The following GRIK2 variants were observed in gnomAD, a reference collection of about 807,000 sequenced individuals.
The protein encoded by GRIK2 is glutamate ionotropic receptor kainate type subunit 2.
In GRIK2, 32 loss-of-function variants were observed where a neutral mutation model predicts 100.3. That is an observed-to-expected ratio of 0.32 (90% CI 0.24 to 0.43). The LOEUF (loss-of-function observed/expected upper bound fraction) is 0.43, where lower values mean the gene tolerates loss of function less well. GRIK2 is among the 20% of genes least tolerant of loss of function. GRIK2 has a pLI of 1.00. For missense variants in GRIK2, 843 were observed against 1,114.9 expected, an observed-to-expected ratio of 0.76 and a Z score of 3.47; for synonymous variants, 417 against 389.4, an observed-to-expected ratio of 1.07 and a Z score of -0.83.
chr6:101,953,186 A>G (rs1336105109), intron 14 of GRIK2, among the ~76,000 whole-genome samples: 2 of 152,152 alleles, frequency 1.3e-5, no homozygotes, highest in Non-Finnish European at 2.9e-5. Context: ...GGACATTTGA[A>G]TTGCTTCCAC....
rs116286192 is a variant in GRIK2, at chr6:101,646,904, G to A, written c.541+20267G>A. Reference sequence around the variant, plus strand: ...CTATGAGCACAGAGAAGAGAGACAAGAAAGAGATATAAAACATGAGAGGTA... The same window carrying A: ...CTATGAGCACAGAGAAGAGAGACAAAAAAGAGATATAAAACATGAGAGGTA... On this transcript the variant is annotated intron_variant, in intron 4 of 16. Coordinates refer to ENST00000369134, the MANE Select transcript of GRIK2 (RefSeq NM_021956.5). Among the ~76,000 whole-genome samples the A allele has an allele frequency of 1.8e-3, 276 of 152,006 alleles. 3 individuals carry two copies. The highest frequency in any genetic ancestry group is 6.2e-3 in the African/African-American group (258 of 41,514).
intron 8 of GRIK2, among the ~76,000 whole-genome samples, chr6:101,801,078 C>G (rs1438703686): frequency 6.6e-6 from 1 of 151,920 alleles, no homozygotes; most frequent in Non-Finnish European, 1.5e-5. Flanking sequence ...ATATTTTCTT[C>G]TTTGTTTTGG....
intron 12 of GRIK2, among the ~76,000 whole-genome samples, chr6:101,898,167 C>A (rs186745344): frequency 2.6e-5 from 4 of 151,718 alleles, no homozygotes; most frequent in Admixed American, 2.0e-4. Flanking sequence ...AGCCCCTCAC[C>A]CTCACCACAA....
chr6:101,399,360 A>G lies in GRIK2; in HGVS notation c.83A>G (p.Tyr28Cys). Reference protein sequence around the residue: ...KLLLCLLWIGYSQGTTHVLRF... With the variant: ...KLLLCLLWIGCSQGTTHVLRF... The stretch of plus-strand genomic sequence containing the variant: ...CTGCTCTGTTTACTGTGGATTGGAT[A>G]TTCTCAAGGAACCACACATGTATTA... The change falls in exon 2 of 17, where the codon TAT becomes TGT. Residue 28 changes from tyrosine to cysteine, a missense_variant. Transcript: ENST00000369134. The G allele has an allele frequency of 6.4e-7, 1 of 1,571,950 alleles. No homozygotes were observed. The highest frequency in any genetic ancestry group is 8.8e-7 in the Non-Finnish European group (1 of 1,141,636).
intron 2 of GRIK2, among the ~76,000 whole-genome samples, chr6:101,548,904 C>T (rs547393452): frequency 5.3e-5 from 8 of 152,182 alleles, no homozygotes; most frequent in Middle Eastern, 6.8e-3. Flanking sequence ...TCTGTATGGC[C>T]TCAGAGAACA....
At chr6:101,797,323 T>C (rs1311453414) in intron 7 of GRIK2, among the ~76,000 whole-genome samples, 2 of 152,014 alleles carry the variant, frequency 1.3e-5, no homozygotes, top group Non-Finnish European at 2.9e-5. Flanking sequence ...TTTCTTGTTT[T>C]TGTTGTTTAT....
intron 10 of GRIK2, among the ~76,000 whole-genome samples, chr6:101,827,390 A>T (rs1170501037): frequency 6.6e-6 from 1 of 151,956 alleles, no homozygotes; most frequent in Non-Finnish European, 1.5e-5. Flanking sequence ...ATGGTTTATT[A>T]AAAAACTTAT....
Position 101,849,702 on chromosome 6 carries a change from T to C in GRIK2, c.1318-9585T>C, listed in dbSNP as rs908313087. ...AAATTATTTTCAGGAAAATATGAACTGCTCAGTTTTGTTTCAATTGCCGTA... is the reference window on the plus strand; with the variant it reads ...AAATTATTTTCAGGAAAATATGAACCGCTCAGTTTTGTTTCAATTGCCGTA... On this transcript the variant is annotated intron_variant, in intron 10 of 16. Transcript: ENST00000369134. 4.6e-5 allele frequency among the ~76,000 whole-genome samples: 7 copies of C among 151,988 alleles called. No individual in the cohort carries two copies. The South Asian group carries it at 1.5e-3, about 32-fold the overall frequency.
chr6:101,487,127 G>A (rs1002281985), intron 2 of GRIK2, among the ~76,000 whole-genome samples: 5 of 146,444 alleles, frequency 3.4e-5, no homozygotes, highest in South Asian at 2.2e-4. Flanking sequence ...ATATTCTGAC[G>A]GGGTGATATT....
chr6:101,632,292 G>T (rs1780786023), intron 4 of GRIK2, among the ~76,000 whole-genome samples: 1 of 152,068 alleles, frequency 6.6e-6, no homozygotes, highest in Non-Finnish European at 1.5e-5. Context: ...CTTTTCTTGG[G>T]TGGATCTTCT....
chr6:101,503,278 T>C (rs1773859211), intron 2 of GRIK2, among the ~76,000 whole-genome samples: 1 of 152,110 alleles, frequency 6.6e-6, no homozygotes, highest in African/African-American at 2.4e-5. Context: ...GAGGAAAAGG[T>C]ATAAATAAAT....
chr6:101,599,410 G>A (rs1779088637), intron 2 of GRIK2, among the ~76,000 whole-genome samples: 1 of 151,528 alleles, frequency 6.6e-6, no homozygotes, highest in Admixed American at 6.6e-5. Context: ...GTAGAACTAT[G>A]TCTTTTCTTT....
chr6:101,661,131 C>T (rs1398394351), intron 4 of GRIK2, among the ~76,000 whole-genome samples: 2 of 152,158 alleles, frequency 1.3e-5, no homozygotes, highest in African/African-American at 4.8e-5. Flanking sequence ...TATCTATAAG[C>T]CCTGACTGGG....
chr6:101,477,353 A>G (rs2128259178), intron 2 of GRIK2, among the ~76,000 whole-genome samples: 1 of 152,242 alleles, frequency 6.6e-6, no homozygotes, highest in Non-Finnish European at 1.5e-5. Context: ...AGGGATATTG[A>G]CAGGTCAATG....
At chr6:101,598,315 C>T (rs1242958144) in intron 2 of GRIK2, among the ~76,000 whole-genome samples, 1 of 151,490 alleles carries the variant, frequency 6.6e-6, no homozygotes, top group Non-Finnish European at 1.5e-5. Flanking sequence ...GTTTGTCTTT[C>T]CTTTGTCTCA....
chr6:101,542,947 C>T (rs762868753), intron 2 of GRIK2, among the ~76,000 whole-genome samples: 1 of 151,998 alleles, frequency 6.6e-6, no homozygotes, highest in Non-Finnish European at 1.5e-5. Context: ...CCTAGATGTA[C>T]TAGAATGATA....
chr6:101,612,265 C>G (rs1364860469), intron 2 of GRIK2, among the ~76,000 whole-genome samples: 1 of 151,696 alleles, frequency 6.6e-6, no homozygotes, highest in East Asian at 1.9e-4. Flanking sequence ...AGGACTGAAA[C>G]ATAAAGAAGA....
intron 10 of GRIK2, among the ~76,000 whole-genome samples, chr6:101,834,080 T>C (rs1320609671): frequency 6.6e-6 from 1 of 152,102 alleles, no homozygotes; most frequent in Non-Finnish European, 1.5e-5. Flanking sequence ...TATTGTTTCT[T>C]TTTGAATCAA....
At chr6:101,847,236 T>G (rs1783864646) in intron 10 of GRIK2, among the ~76,000 whole-genome samples, 1 of 152,178 alleles carries the variant, frequency 6.6e-6, no homozygotes, top group Non-Finnish European at 1.5e-5. Context: ...ATTTCCCTTC[T>G]AATTTCCTCT....
Sources: allele counts gnomAD v4.1 joint callset (sites outside exome capture counted in the v4.1 genomes callset), GRCh38; gene constraint gnomAD v4.1.1; transcripts MANE v1.5; gene names NCBI Gene and HGNC (gene_info 2026-07-23, HGNC 2026-07-21).